PRXL2C: variants seen among roughly 807,000 people sequenced by gnomAD.
PRXL2C encodes peroxiredoxin like 2C.
A neutral mutation model predicts 24.9 loss-of-function variants in PRXL2C; 38 were observed. The ratio of observed to expected loss-of-function variants is 1.53; its 90% CI spans 1.18 to 2.00. The LOEUF (loss-of-function observed/expected upper bound fraction) is 2.00. Among genes scored for constraint, PRXL2C ranks in the 30% most tolerant of loss-of-function variants. The pLI, the probability that PRXL2C is intolerant of heterozygous loss-of-function variation, is 0.00. For missense variants in PRXL2C, 294 were observed against 290.9 expected (o/e 1.01, Z -0.08); for synonymous variants, 98 against 117.2 (o/e 0.84, Z 1.06).
intron 4 of PRXL2C, among the ~76,000 whole-genome samples, chr9:96,648,605 G>T (rs1214505945): frequency 6.6e-6 from 1 of 152,072 alleles, no homozygotes. Context: ...TGGCAATGCA[G>T]TCCTTCAACA....
chr9:96,646,127 G>A, intron 4 of PRXL2C, 103 bp from the exon 5 acceptor site: 3 of 1,274,356 alleles, frequency 2.4e-6, no homozygotes, highest in Non-Finnish European at 3.2e-6. Context: ...TTTAAAGAAT[G>A]GTTTCTCAAT....
rs562366008 is a variant in PRXL2C, at chr9:96,654,893, G to A, written c.193-120C>T. 194 of 1,210,746 alleles carry A rather than the reference G, an allele frequency of 1.6e-4. No individual in the cohort carries two copies. The African/African-American group carries it at 2.8e-3, about 17-fold the overall frequency. 75.0% of individuals were successfully genotyped at this position (1,210,746 alleles called of 1,614,324 possible). On this transcript the variant is annotated intron_variant, in intron 1 of 5. Transcript: ENST00000375234. ...GGCGACGCCCGCGGGGCCGGGACCG[G>A]CGGCTCGGGCGCCCGGCGCGTGGGA...
intron 4 of PRXL2C, among the ~76,000 whole-genome samples, chr9:96,648,243 T>C (rs1588102057): frequency 1.3e-5 from 2 of 152,190 alleles, no homozygotes; most frequent in Non-Finnish European, 2.9e-5. Flanking sequence ...TCAATTAATA[T>C]TTCAGAAATT....
intron 5 of PRXL2C, among the ~76,000 whole-genome samples, chr9:96,642,413 T>A (rs1462139316): frequency 6.6e-6 from 1 of 152,188 alleles, no homozygotes; most frequent in African/African-American, 2.4e-5. Flanking sequence ...ATGTTCACAA[T>A]CCTTACATCT....
rs562378051 is a variant in PRXL2C at position 96,651,377 on chromosome 9, T to C, written c.421+13A>G. The C allele has an allele frequency of 4.5e-6, 7 of 1,556,466 alleles. No homozygotes were observed. Among genetic ancestry groups the C allele is most frequent in the Non-Finnish European group, 6.2e-6 (7 of 1,132,426 alleles). On this transcript the variant is annotated intron_variant, in intron 4 of 5. Transcript: ENST00000375234. Reference sequence around the variant, plus strand: ...CCACCAGTGTTTTCTATTTGAGACATGTTATGTCTTACCTGAGGAAGCAAT... The same window carrying C: ...CCACCAGTGTTTTCTATTTGAGACACGTTATGTCTTACCTGAGGAAGCAAT...
In PRXL2C at chr9:96,645,754, G is replaced by A. The variant is rs530564852; in HGVS notation, c.553+139C>T. 101 of 931,096 alleles carry A rather than the reference G, an allele frequency of 1.1e-4. No homozygotes were observed. The South Asian group carries it at 1.8e-3, about 17-fold the overall frequency. 57.7% of individuals were successfully genotyped at this position (931,096 alleles called of 1,614,324 possible). ...AGAGCTTGCAGTGAGCCGAGATTGC[G>A]CCACTGCACTCCAGCCTTGGCGACA... On this transcript the variant is annotated intron_variant, in intron 5 of 5. Coordinates refer to ENST00000375234, the MANE Select transcript of PRXL2C (RefSeq NM_153698.2).
Position 96,645,000 on chromosome 9 carries a change from A to G in PRXL2C, c.553+893T>C, listed in dbSNP as rs549587787. On this transcript the variant is annotated intron_variant, in intron 5 of 5. Transcript: ENST00000375234. ...CGGCGCACTGCAAGCTCCGCCTCCCAGGTTCACGCCAGTCTCCTGCCTCAG... is the reference window on the plus strand; with the variant it reads ...CGGCGCACTGCAAGCTCCGCCTCCCGGGTTCACGCCAGTCTCCTGCCTCAG... Among the ~76,000 whole-genome samples, 10 of 134,436 alleles carry G rather than the reference A, an allele frequency of 7.4e-5. No individual in the cohort carries two copies. In the East Asian group the frequency reaches 1.2e-3, roughly 17 times the overall value. 88.2% of individuals were successfully genotyped at this position (134,436 alleles called of 152,430 possible).
intron 4 of PRXL2C, 98 bp from the exon 5 acceptor site, chr9:96,646,122 AGAAT>A: frequency 7.7e-7 from 1 of 1,306,976 alleles, no homozygotes; most frequent in Non-Finnish European, 1.0e-6. Context: ...CTTCCTTTAA[AGAAT>A]GGTTTCTCAA....
rs142249845 is a variant in PRXL2C, at chr9:96,646,056, T to C, written c.422-32A>G. 7.4e-4 allele frequency: 1,153 copies of C among 1,561,248 alleles called. 9 individuals are homozygous for C. In the African/African-American group the frequency reaches 8.3e-3, roughly 11 times the overall value. On this transcript the variant is annotated intron_variant, in intron 4 of 5. Coordinates refer to ENST00000375234, the MANE Select transcript of PRXL2C (RefSeq NM_153698.2). ...TGTCGAAAATTGTCTTTAGATGTCA[T>C]TTTATATTCAATTTGATATTAAGAA...
rs749246007 is a variant in PRXL2C at position 96,651,684 on chromosome 9, C to G, written c.290G>C (p.Gly97Ala). The change falls in exon 3 of 6, where the codon GGA (glycine) becomes GCA (alanine). Residue 97 changes from glycine to alanine, a missense_variant. Transcript: ENST00000375234. ...QEANVTLIVI[G>A]QSSYHHIEPF... is the part of the protein sequence containing the mutation. ...CTCAATATGATGGTAGGATGACTGT[C>G]CAATCACTATAAGGGTGACATTTGC... The G allele has an allele frequency of 6.2e-7, 1 of 1,610,748 alleles. No homozygotes were observed. Among genetic ancestry groups the G allele is most frequent in the South Asian group, 1.1e-5 (1 of 90,584 alleles).
intron 2 of PRXL2C, among the ~76,000 whole-genome samples, chr9:96,653,707 T>C (rs1056841254): frequency 2.0e-5 from 3 of 152,156 alleles, no homozygotes; most frequent in Non-Finnish European, 4.4e-5. Flanking sequence ...CATACAATTA[T>C]ATATGTCAAT....
rs942456498 is a variant in PRXL2C at position 96,641,149 on chromosome 9, C to A, written c.*610G>T. On this transcript the variant is annotated 3_prime_UTR_variant, in exon 6 of 6. Coordinates refer to ENST00000375234, the MANE Select transcript of PRXL2C (RefSeq NM_153698.2). The stretch of plus-strand genomic sequence containing the variant: ...AAATTGTCCTATAATGTTTAAAGAC[C>A]TTTTCCTGGCCCTACAATATTAATC... 1.3e-5 allele frequency: 2 copies of A among 152,096 alleles called. No homozygotes were observed. Among genetic ancestry groups the A allele is most frequent in the Non-Finnish European group, 2.9e-5 (2 of 68,034 alleles). 9.4% of individuals were successfully genotyped at this position (152,096 alleles called of 1,614,324 possible).
At chr9:96,651,924 C>G (rs1848272102) in intron 2 of PRXL2C, among the ~76,000 whole-genome samples, 1 of 152,142 alleles carries the variant, frequency 6.6e-6, no homozygotes, top group African/African-American at 2.4e-5. Context: ...AATTTCCAGA[C>G]TTACACATAA....
rs939295829 is a variant in PRXL2C, at chr9:96,640,331, C to G, written c.*1428G>C. 5 of 150,548 alleles carry G rather than the reference C, an allele frequency of 3.3e-5. No homozygotes were observed. Among genetic ancestry groups the G allele is most frequent in the African/African-American group, 1.2e-4 (5 of 40,828 alleles). 9.3% of individuals were successfully genotyped at this position (150,548 alleles called of 1,614,324 possible). ...ATCACCTGAGGTATGGAGTTCGAGA[C>G]CAGCCTGGCCAACATGGTGGAACCC... is the stretch of plus-strand genomic sequence containing the variant. On this transcript the variant is annotated 3_prime_UTR_variant, in exon 6 of 6. Coordinates refer to ENST00000375234, the MANE Select transcript of PRXL2C (RefSeq NM_153698.2).
At chr9:96,654,896 G>T in intron 1 of PRXL2C, 123 bp from the exon 2 acceptor site, 2 of 1,196,882 alleles carry the variant, frequency 1.7e-6, no homozygotes, top group Non-Finnish European at 2.2e-6. Flanking sequence ...GGGACCGGCG[G>T]CTCGGGCGCC....
intron 5 of PRXL2C, among the ~76,000 whole-genome samples, chr9:96,645,296 T>G (rs1048981431): frequency 6.6e-6 from 1 of 151,192 alleles, no homozygotes; most frequent in Non-Finnish European, 1.5e-5. Context: ...AATAGCGGAG[T>G]GTGTGACAGC....
At chr9:96,650,991 T>C (rs1588103053) in intron 4 of PRXL2C, among the ~76,000 whole-genome samples, 1 of 152,160 alleles carries the variant, frequency 6.6e-6, no homozygotes, top group East Asian at 1.9e-4. Flanking sequence ...CTTATTAGAA[T>C]AATAAAAAGC....
chr9:96,652,371 A>C (rs1205092100), intron 2 of PRXL2C, among the ~76,000 whole-genome samples: 1 of 152,056 alleles, frequency 6.6e-6, no homozygotes, highest in Non-Finnish European at 1.5e-5. Flanking sequence ...AAATACAAAA[A>C]TTAGCTGGGT....
chr9:96,651,350 C>T (rs149053606), intron 4 of PRXL2C, 40 bp downstream of exon 4: 23 of 1,387,238 alleles, frequency 1.7e-5, no homozygotes, highest in African/African-American at 2.9e-5. Flanking sequence ...TATGAACATA[C>T]ACCACCAGTG....
Sources: allele counts gnomAD v4.1 joint callset (sites outside exome capture counted in the v4.1 genomes callset), GRCh38; gene constraint gnomAD v4.1.1; transcripts MANE v1.5; gene names NCBI Gene and HGNC (gene_info 2026-07-23, HGNC 2026-07-21).